KATNIP: variants seen among roughly 807,000 people sequenced by gnomAD.
KATNIP encodes katanin-interacting protein.
KATNIP carries 126 observed loss-of-function variants against 174.0 expected under a neutral mutation model. That is an observed-to-expected ratio of 0.72 (90% CI 0.63 to 0.84). KATNIP has a LOEUF of 0.84. Ranked by LOEUF, KATNIP falls within the 40% of genes least tolerant of loss-of-function variation. KATNIP has a pLI of 0.00. For synonymous variants in KATNIP, 810 were observed against 835.7 expected (o/e 0.97, Z 0.53); for missense variants, 1,958 against 2,109.7 (o/e 0.93, Z 1.41).
intron 12 of KATNIP, among the ~76,000 whole-genome samples, chr16:27,705,676 A>G (rs1341301040): frequency 6.6e-6 from 1 of 151,568 alleles, no homozygotes; most frequent in Non-Finnish European, 1.5e-5. Context: ...TATTGTTTTA[A>G]TTAATTAATT....
chr16:27,581,546 G>A (rs532666562), intron 2 of KATNIP, among the ~76,000 whole-genome samples: 1 of 152,184 alleles, frequency 6.6e-6, no homozygotes, highest in African/African-American at 2.4e-5. Context: ...GTGAGAGGAG[G>A]GACGTTTACT....
chr16:27,628,534 G>A (rs2076394887), intron 3 of KATNIP, 127 bp from the exon 4 acceptor site: 2 of 1,011,060 alleles, frequency 2.0e-6, no homozygotes, highest in Non-Finnish European at 3.0e-6. Context: ...AAACAGCTGG[G>A]CACACGCCCC....
In KATNIP at chr16:27,708,862, A is replaced by C; in HGVS notation, c.1547A>C (p.Asp516Ala). ...CTTTATGTGTCGCCCCACGATGTGG[A>C]TATCCGGAACACAGCCACGCCTGGG... ...TKLYVSPHDVDIRNTATPGEL... is the reference protein window; with the variant it reads ...TKLYVSPHDVAIRNTATPGEL... The change falls in exon 13 of 28, where the codon GAT (aspartate) becomes GCT (alanine). Residue 516 changes from aspartate (D) to alanine (A), a missense_variant. Asp to Ala is a moderately radical substitution (Grantham distance 126). This residue lies in a region of KATNIP where 1,557 missense variants were observed against 1,617.8 expected (regional missense o/e 0.96). Transcript: ENST00000261588. 6.2e-7 allele frequency: 1 copy of C among 1,614,032 alleles called. No homozygotes were observed. Among genetic ancestry groups the C allele is most frequent in the Non-Finnish European group, 8.5e-7 (1 of 1,180,032 alleles).
intron 3 of KATNIP, among the ~76,000 whole-genome samples, chr16:27,627,167 G>C (rs1196236198): frequency 6.6e-6 from 1 of 152,154 alleles, no homozygotes; most frequent in Non-Finnish European, 1.5e-5. Flanking sequence ...TTAGTCCCCC[G>C]ATACACACGT....
chr16:27,683,426 A>G (rs1039509314), intron 8 of KATNIP, among the ~76,000 whole-genome samples: 5 of 152,166 alleles, frequency 3.3e-5, no homozygotes, highest in African/African-American at 7.2e-5. Flanking sequence ...GCTATCCCCA[A>G]ACTGGTTCCT....
At position 27,575,466 on chromosome 16, in the gene KATNIP, G is replaced by A. The variant is rs142491029; in HGVS notation, c.63+1510G>A. Among the ~76,000 whole-genome samples the A allele has an allele frequency of 6.8e-4, 104 of 152,268 alleles. 1 individual carries two copies. The highest frequency in any genetic ancestry group is 2.2e-3 in the African/African-American group (92 of 41,548). The stretch of plus-strand genomic sequence containing the variant: ...GGAGTGCAGGGGAGATAAATTGTGT[G>A]GCTCATCAGAAACACTGACCAATCG... On this transcript the variant is annotated intron_variant, in intron 2 of 27. Coordinates refer to ENST00000261588, the MANE Select transcript of KATNIP (RefSeq NM_015202.5).
At chr16:27,717,857 C>T (rs916198246) in intron 13 of KATNIP, among the ~76,000 whole-genome samples, 1 of 152,110 alleles carries the variant, frequency 6.6e-6, no homozygotes, top group Admixed American at 6.5e-5. Flanking sequence ...TATTTATACC[C>T]CAACTCCCGG....
At chr16:27,674,618 G>T (rs993295250) in intron 6 of KATNIP, among the ~76,000 whole-genome samples, 1 of 152,114 alleles carries the variant, frequency 6.6e-6, no homozygotes, top group African/African-American at 2.4e-5. Context: ...GATTACACTG[G>T]ACTCACCTGG....
At position 27,560,196 on chromosome 16, in the gene KATNIP, C is replaced by T. The variant is rs1035204679; in HGVS notation, c.7+10019C>T. 2.7e-5 allele frequency among the ~76,000 whole-genome samples: 4 copies of T among 146,914 alleles called. No individual in the cohort carries two copies. In the South Asian group the frequency reaches 8.7e-4, roughly 32 times the overall value. On this transcript the variant is annotated intron_variant, in intron 1 of 27. Transcript: ENST00000261588. ...ATTCAGGAGGCTGAGGCAGGAGAATCGCTTGAACCTGGGAGGCAGAGGTTG... is the reference window on the plus strand; with the variant it reads ...ATTCAGGAGGCTGAGGCAGGAGAATTGCTTGAACCTGGGAGGCAGAGGTTG...
At chr16:27,753,443 T>A (rs574867185) in intron 17 of KATNIP, among the ~76,000 whole-genome samples, 1 of 152,196 alleles carries the variant, frequency 6.6e-6, no homozygotes, top group Non-Finnish European at 1.5e-5. Context: ...TGTGAGGGGC[T>A]GGGGGGATCA....
At position 27,763,677 on chromosome 16, in the gene KATNIP, C is replaced by A. The variant is rs1055312606; in HGVS notation, c.3809+2087C>A. 1.9e-4 allele frequency among the ~76,000 whole-genome samples: 29 copies of A among 151,636 alleles called. No individual in the cohort carries two copies. In the South Asian group the frequency reaches 5.9e-3, roughly 31 times the overall value. On this transcript the variant is annotated intron_variant, in intron 19 of 27. Transcript: ENST00000261588. ...AGTTAACAATGATTTCTTAAATTAC[C>A]AGATATCTAGCAGATTCATAGTCCC...
intron 1 of KATNIP, among the ~76,000 whole-genome samples, chr16:27,563,486 C>G (rs1346322427): frequency 6.6e-6 from 1 of 152,026 alleles, no homozygotes; most frequent in Non-Finnish European, 1.5e-5. Context: ...CCACTGCAGT[C>G]CAGCCTGGGC....
intron 20 of KATNIP, among the ~76,000 whole-genome samples, chr16:27,768,736 A>C (rs2082202470): frequency 6.6e-6 from 1 of 152,166 alleles, no homozygotes; most frequent in Non-Finnish European, 1.5e-5. Context: ...ACCACACTTC[A>C]GGTTTACTTG....
chr16:27,624,262 G>A (rs557143222), intron 3 of KATNIP, among the ~76,000 whole-genome samples: 6 of 152,112 alleles, frequency 3.9e-5, no homozygotes, highest in South Asian at 4.2e-4. Flanking sequence ...TCCCTGCCCC[G>A]GTGGCCCACG....
At chr16:27,645,055 G>A (rs1480677746) in intron 5 of KATNIP, among the ~76,000 whole-genome samples, 1 of 152,204 alleles carries the variant, frequency 6.6e-6, no homozygotes, top group Non-Finnish European at 1.5e-5. Context: ...CCTGCTTACT[G>A]AGTCCAACAC....
chr16:27,601,124 A>G (rs1012805920), intron 2 of KATNIP, among the ~76,000 whole-genome samples: 2 of 152,008 alleles, frequency 1.3e-5, no homozygotes, highest in Non-Finnish European at 2.9e-5. Context: ...GAGGCCAGGG[A>G]TTTTTGTCTT....
chr16:27,610,329 C>G (rs74603335), intron 2 of KATNIP, among the ~76,000 whole-genome samples: 1 of 152,034 alleles, frequency 6.6e-6, no homozygotes, highest in Admixed American at 6.6e-5. Context: ...ATGGAGCTGA[C>G]GGGTTAGATG....
chr16:27,737,196 A>G (rs1006145413), intron 14 of KATNIP, among the ~76,000 whole-genome samples: 2 of 152,072 alleles, frequency 1.3e-5, no homozygotes, highest in Admixed American at 1.3e-4. Flanking sequence ...TGGACAACAT[A>G]GTGAGACCCC....
intron 1 of KATNIP, among the ~76,000 whole-genome samples, chr16:27,567,929 A>G (rs1015713167): frequency 1.3e-5 from 2 of 152,218 alleles, no homozygotes; most frequent in African/African-American, 4.8e-5. Flanking sequence ...ACACCAGTGC[A>G]TTCCAGGATG....
Sources: allele counts gnomAD v4.1 joint callset (sites outside exome capture counted in the v4.1 genomes callset), GRCh38; gene constraint gnomAD v4.1.1; regional missense constraint gnomAD v4.1.1; transcripts MANE v1.5; gene names NCBI Gene and HGNC (gene_info 2026-07-23, HGNC 2026-07-21).